EZH2: variants seen among roughly 807,000 people sequenced by gnomAD.
EZH2 encodes histone-lysine N-methyltransferase EZH2.
In EZH2, 18 loss-of-function variants were observed where a neutral mutation model predicts 98.4. The ratio of observed to expected loss-of-function variants is 0.18; its 90% CI spans 0.13 to 0.27. EZH2 has a LOEUF of 0.27. EZH2 is among the 10% of genes least tolerant of loss of function. The pLI is 1.00. For missense variants in EZH2, 470 were observed against 935.1 expected (o/e 0.50, Z 6.49); for synonymous variants, 338 against 312.3 (o/e 1.08, Z -0.87).
intron 3 of EZH2, 78 bp downstream of exon 3, chr7:148,846,392 C>T (rs1814037965): frequency 6.6e-7 from 1 of 1,508,886 alleles, no homozygotes; most frequent in Non-Finnish European, 9.0e-7. Context: ...ATGATTTCCT[C>T]CCAATAACCA....
intron 1 of EZH2, among the ~76,000 whole-genome samples, chr7:148,856,200 T>C (rs1003237314): frequency 2.0e-5 from 3 of 152,202 alleles, no homozygotes; most frequent in African/African-American, 4.8e-5. Flanking sequence ...CTCTAGCTGG[T>C]AAATTTGTTT....
intron 2 of EZH2, 128 bp downstream of exon 2, chr7:148,847,054 G>T: frequency 1.9e-6 from 2 of 1,071,718 alleles, no homozygotes; most frequent in South Asian, 1.7e-5. Flanking sequence ...AAGCTTCCAA[G>T]TATTCACTCA....
rs1359374351 is a variant in EZH2, at chr7:148,847,290, C to G, written c.9G>C (p.Gln3His). The change falls in exon 2 of 20, where the codon CAG becomes CAC. Residue 3 changes from glutamine to histidine, a missense_variant. This residue lies in a region of EZH2 where 79 missense variants were observed against 122.1 expected (regional missense o/e 0.65). Coordinates refer to ENST00000320356, the MANE Select transcript of EZH2 (RefSeq NM_004456.5). MGQTGKKSEKGPV... is the reference protein window; with the variant it reads MGHTGKKSEKGPV... ...GTCCCTTCTCAGATTTCTTCCCAGT[C>G]TGGCCCATGATTATTCTAAAAGCAA... The G allele has an allele frequency of 1.2e-6, 2 of 1,613,776 alleles. No homozygotes were observed. The highest frequency in any genetic ancestry group is 1.7e-6 in the Non-Finnish European group (2 of 1,179,890).
At chr7:148,824,712 T>C (rs1307177454) in intron 8 of EZH2, among the ~76,000 whole-genome samples, 1 of 152,244 alleles carries the variant, frequency 6.6e-6, no homozygotes, top group African/African-American at 2.4e-5. Flanking sequence ...AAGAAAAATA[T>C]ACCATGTGTG....
chr7:148,817,618 C>A (rs559188932), intron 10 of EZH2: 5 of 664,014 alleles, frequency 7.5e-6, no homozygotes, highest in Non-Finnish European at 1.3e-5. Flanking sequence ...TGAGAAAGAT[C>A]GAAAAAAGAA....
chr7:148,873,060 A>G (rs905233765), intron 1 of EZH2, among the ~76,000 whole-genome samples: 3 of 152,158 alleles, frequency 2.0e-5, no homozygotes, highest in African/African-American at 4.8e-5. Flanking sequence ...TCTCACGTCT[A>G]TAGTCCTAGC....
At position 148,883,567 on chromosome 7, in the gene EZH2, G is replaced by C. The variant is rs370681873; in HGVS notation, c.-8+597C>G. 23 of 150,286 alleles carry C rather than the reference G, an allele frequency of 1.5e-4. No homozygotes were observed. The East Asian group carries it at 3.7e-3, about 24-fold the overall frequency. 9.3% of individuals were successfully genotyped at this position (150,286 alleles called of 1,614,324 possible). ...CGCGCCCGGGACCGGGGGCGTGCGCGAGGCGAGGGCCGAGCCCTGCCCACC... is the reference window on the plus strand; with the variant it reads ...CGCGCCCGGGACCGGGGGCGTGCGCCAGGCGAGGGCCGAGCCCTGCCCACC... On this transcript the variant is annotated intron_variant, in intron 1 of 19. Transcript: ENST00000320356.
At chr7:148,823,852 T>C (rs1754843894) in intron 8 of EZH2, among the ~76,000 whole-genome samples, 1 of 152,042 alleles carries the variant, frequency 6.6e-6, no homozygotes, top group Admixed American at 6.5e-5. Context: ...ACGTAAACCA[T>C]GTGAATGATG....
At chr7:148,843,339 C>A (rs1812987746) in intron 3 of EZH2, among the ~76,000 whole-genome samples, 2 of 151,994 alleles carry the variant, frequency 1.3e-5, no homozygotes, top group African/African-American at 4.8e-5. Flanking sequence ...CCACTGCACT[C>A]CAGCCTAGGC....
intron 1 of EZH2, among the ~76,000 whole-genome samples, chr7:148,850,193 T>G (rs1024402805): frequency 1.3e-5 from 2 of 152,096 alleles, no homozygotes; most frequent in African/African-American, 4.8e-5. Context: ...TAATTTTTTG[T>G]ATTTTTAGTA....
In EZH2 at chr7:148,832,766, T is replaced by C. The variant is rs1563254754; in HGVS notation, c.247-16A>G. ...TCACCGAACACTAAAACAGAAAAAA[T>C]AAAATTGACTCTTAAGAATAAAAGG... is the stretch of plus-strand genomic sequence containing the variant. On this transcript the variant is annotated splice_polypyrimidine_tract_variant and intron_variant, in intron 3 of 19. Transcript: ENST00000320356. 6.7e-7 allele frequency: 1 copy of C among 1,483,960 alleles called. No individual in the cohort carries two copies. The highest frequency in any genetic ancestry group is 2.3e-5 in the East Asian group (1 of 44,078). 91.9% of individuals were successfully genotyped at this position (1,483,960 alleles called of 1,614,324 possible). A position where few individuals can be genotyped will look rare whatever the true frequency, so the allele number is the denominator to read the frequency against.
chr7:148,812,650 A>G (rs150461535), intron 15 of EZH2, among the ~76,000 whole-genome samples: 108 of 152,336 alleles, frequency 7.1e-4, no homozygotes, highest in African/African-American at 2.5e-3. Context: ...CAGTATGAAT[A>G]GAATTGCCCA....
At chr7:148,866,530 A>G (rs1423293830) in intron 1 of EZH2, among the ~76,000 whole-genome samples, 5 of 103,102 alleles carry the variant, frequency 4.8e-5, no homozygotes, top group African/African-American at 1.9e-4. Context: ...GTATATACAT[A>G]TATATACGTA....
At position 148,844,718 on chromosome 7, in the gene EZH2, C is replaced by T. The variant is rs192251897; in HGVS notation, c.246+1752G>A. Among the ~76,000 whole-genome samples the T allele has an allele frequency of 1.5e-3, 224 of 152,208 alleles. 2 individuals are homozygous for T. Among genetic ancestry groups the T allele is most frequent in the African/African-American group, 5.2e-3 (214 of 41,530 alleles). On this transcript the variant is annotated intron_variant, in intron 3 of 19. Coordinates refer to ENST00000320356, the MANE Select transcript of EZH2 (RefSeq NM_004456.5). ...GAACATTAGGTATCTTTATATTCAA[C>T]GATTTGTCTCCATTTGACAAAATTA...
At chr7:148,835,572 C>A (rs1045041748) in intron 3 of EZH2, among the ~76,000 whole-genome samples, 2 of 151,824 alleles carry the variant, frequency 1.3e-5, no homozygotes, top group African/African-American at 4.8e-5. Context: ...ACCGAATATA[C>A]TGAATATAAT....
intron 1 of EZH2, among the ~76,000 whole-genome samples, chr7:148,847,900 G>A (rs753098660): frequency 6.6e-6 from 1 of 152,090 alleles, no homozygotes; most frequent in Non-Finnish European, 1.5e-5. Flanking sequence ...TAACATGAGG[G>A]GTTTCTGCTA....
intron 4 of EZH2, among the ~76,000 whole-genome samples, chr7:148,830,134 T>G (rs188880196): frequency 2.0e-5 from 3 of 152,322 alleles, no homozygotes; most frequent in South Asian, 4.1e-4. Context: ...TGTACATACC[T>G]CTAAGAAAGA....
At chr7:148,880,401 T>G (rs753044372) in intron 1 of EZH2, among the ~76,000 whole-genome samples, 1 of 152,182 alleles carries the variant, frequency 6.6e-6, no homozygotes, top group Non-Finnish European at 1.5e-5. Context: ...AGCTTTTCAG[T>G]TAAAAGATCT....
intron 6 of EZH2, among the ~76,000 whole-genome samples, chr7:148,828,464 C>G (rs555396412): frequency 1.3e-5 from 2 of 151,818 alleles, no homozygotes; most frequent in Admixed American, 1.3e-4. Context: ...CATTTTTTTA[C>G]TTTTTAGTAG....
Sources: allele counts gnomAD v4.1 joint callset (sites outside exome capture counted in the v4.1 genomes callset), GRCh38; gene constraint gnomAD v4.1.1; regional missense constraint gnomAD v4.1.1; transcripts MANE v1.5; gene names NCBI Gene and HGNC (gene_info 2026-07-23, HGNC 2026-07-21).